The following SERF1B variants were observed in gnomAD, a reference collection of about 807,000 sequenced individuals.
SERF1B encodes small EDRK-rich factor 1B.
At chr5:70,029,162 G>T (rs1443944987) in intron 2 of SERF1B, among the ~76,000 whole-genome samples, 1 of 150,612 alleles carries the variant, frequency 6.6e-6, no homozygotes. Flanking sequence ...TAAAGGCAGA[G>T]TCTTATTCTG....
intron 2 of SERF1B, among the ~76,000 whole-genome samples, chr5:70,028,962 G>A (rs1238687145): frequency 2.0e-5 from 3 of 151,702 alleles, no homozygotes; most frequent in Admixed American, 2.0e-4. Context: ...GGGCGACAGA[G>A]CGAGACTCCG....
At chr5:70,036,629 A>ACACTCTCT (rs763495681) in intron 2 of SERF1B, among the ~76,000 whole-genome samples, 2,814 of 50,608 alleles carry the variant, frequency 0.056, 34 homozygotes, top group Non-Finnish European at 0.082. Flanking sequence ...ACACACACAC[A>ACACTCTCT]CTCTCTCTCT....
At chr5:70,036,629 A>ACACACACACTCTCTCT (rs763495681) in intron 2 of SERF1B, among the ~76,000 whole-genome samples, 84 of 49,890 alleles carry the variant, frequency 1.7e-3, no homozygotes, top group African/African-American at 5.3e-3. Context: ...ACACACACAC[A>ACACACACACTCTCTCT]CTCTCTCTCT....
At chr5:70,037,688 G>C (rs1240647002) in intron 2 of SERF1B, among the ~76,000 whole-genome samples, 1 of 115,380 alleles carries the variant, frequency 8.7e-6, no homozygotes, top group Admixed American at 8.2e-5. Context: ...GGGCATGGTG[G>C]CTCATGCCTA....
intron 2 of SERF1B, chr5:70,032,608 AT>A: frequency 3.2e-5 from 1 of 31,498 alleles, no homozygotes; most frequent in South Asian, 2.1e-4. Context: ...GGTGAACATT[AT>A]TTTTATTATT....
intron 2 of SERF1B, among the ~76,000 whole-genome samples, chr5:70,036,629 A>ACTCT (rs1554065559): frequency 0.079 from 3,952 of 50,164 alleles, 130 homozygotes; most frequent in African/African-American, 0.12. Flanking sequence ...ACACACACAC[A>ACTCT]CTCTCTCTCT....
At chr5:70,036,627 A>ACG (rs1190752176) in intron 2 of SERF1B, among the ~76,000 whole-genome samples, 2 of 50,310 alleles carry the variant, frequency 4.0e-5, no homozygotes, top group African/African-American at 1.3e-4. Flanking sequence ...ACACACACAC[A>ACG]CACTCTCTCT....
chr5:70,041,173 T>G (rs1774250795), intron 2 of SERF1B, among the ~76,000 whole-genome samples: 1 of 148,628 alleles, frequency 6.7e-6, no homozygotes, highest in Admixed American at 6.7e-5. Context: ...TAAAGGAAGG[T>G]TCCATTGCTC....
At chr5:70,036,629 A>ACTCTCTCTCTCTCTCTCTCTCT (rs1554065559) in intron 2 of SERF1B, among the ~76,000 whole-genome samples, 14 of 49,880 alleles carry the variant, frequency 2.8e-4, no homozygotes, top group East Asian at 1.6e-3. Flanking sequence ...ACACACACAC[A>ACTCTCTCTCTCTCTCTCTCTCT]CTCTCTCTCT....
At chr5:70,029,775 C>G (rs2112441717) in intron 2 of SERF1B, 1 of 448,750 alleles carries the variant, frequency 2.2e-6, no homozygotes, top group Non-Finnish European at 4.5e-6. Flanking sequence ...GATATGGCGT[C>G]TTACTCTGTG....
chr5:70,037,974 A>AC (rs1235534176), intron 2 of SERF1B, among the ~76,000 whole-genome samples: 2 of 114,918 alleles, frequency 1.7e-5, no homozygotes, highest in Non-Finnish European at 3.4e-5. Context: ...AAAAAAACAA[A>AC]AAAAAAAACA....
At chr5:70,029,738 C>T (rs1322914910) in intron 2 of SERF1B, 2 of 454,972 alleles carry the variant, frequency 4.4e-6, no homozygotes, top group Admixed American at 4.7e-5. Context: ...AGGCAAAGGT[C>T]CTGACACCTT....
chr5:70,036,621 A>ACTCTCTCTCT (rs1269447092), intron 2 of SERF1B, among the ~76,000 whole-genome samples: 1 of 110,152 alleles, frequency 9.1e-6, no homozygotes, highest in Admixed American at 9.4e-5. Context: ...ACACACACAC[A>ACTCTCTCTCT]CACACACACT....
intron 2 of SERF1B, among the ~76,000 whole-genome samples, chr5:70,028,552 C>CAAA (rs1157134405): frequency 0.012 from 1,089 of 91,240 alleles, 11 homozygotes; most frequent in African/African-American, 0.016. Flanking sequence ...GACTCCGTCT[C>CAAA]AAAAAAAAAA....
At chr5:70,028,453 T>C (rs1774083659) in intron 2 of SERF1B, among the ~76,000 whole-genome samples, 1 of 151,660 alleles carries the variant, frequency 6.6e-6, no homozygotes, top group African/African-American at 2.4e-5. Context: ...CTTGGGAGGC[T>C]GAGGCAGGAG....
chr5:70,036,623 A>ACTCTCTCTCTCT (rs1561408550), intron 2 of SERF1B, among the ~76,000 whole-genome samples: 3 of 83,452 alleles, frequency 3.6e-5, no homozygotes, highest in East Asian at 6.3e-4. Flanking sequence ...ACACACACAC[A>ACTCTCTCTCTCT]CACACACTCT....
intron 2 of SERF1B, among the ~76,000 whole-genome samples, chr5:70,029,030 G>A (rs1274957636): frequency 1.3e-5 from 2 of 152,028 alleles, no homozygotes; most frequent in East Asian, 3.9e-4. Flanking sequence ...GGGTAATTGG[G>A]ATATCTCTAT....
At chr5:70,035,389 T>TA (rs1350033403) in intron 2 of SERF1B, among the ~76,000 whole-genome samples, 37 of 134,662 alleles carry the variant, frequency 2.7e-4, no homozygotes, top group East Asian at 1.4e-3. Flanking sequence ...TATTATTTTT[T>TA]TTTTTTTTTG....
rs1774276290 is a variant in SERF1B at position 70,042,324 on chromosome 5, C to CAA, written c.*584_*585insAA. The CAA allele has an allele frequency of 3.5e-5, 1 of 28,396 alleles. No individual in the cohort carries two copies. Among genetic ancestry groups the CAA allele is most frequent in the African/African-American group, 1.7e-4 (1 of 6,014 alleles). The allele number at this position is 28,396 out of a possible 1,614,324, so 1.8% of individuals were successfully genotyped here. A position where few individuals can be genotyped will look rare whatever the true frequency, so the allele number is the denominator to read the frequency against. On this transcript the variant is annotated 3_prime_UTR_variant, in exon 3 of 3. Coordinates refer to ENST00000380750, the MANE Select transcript of SERF1B (RefSeq NM_022978.3). ...CAGGCTGGTCTCCATCTCCTGACCT[C>CAA]GTGATTCACCCGCCTCGGCCTCCCA...
Sources: gnomAD v4.1 joint callset for allele counts (sites outside exome capture counted in the v4.1 genomes callset) on GRCh38, gnomAD v4.1.1 for gene constraint, MANE v1.5 for transcripts, NCBI Gene and HGNC (gene_info 2026-07-23, HGNC 2026-07-21) for gene names.